Variants in KAT8 observed in about 807,000 individuals in gnomAD.
KAT8 encodes the protein histone acetyltransferase KAT8.
A neutral mutation model predicts 62.9 loss-of-function variants in KAT8; 40 were observed. That is an observed-to-expected ratio of 0.64 (90% CI 0.49 to 0.83). KAT8 has a LOEUF of 0.83. Ranked by LOEUF, KAT8 falls within the 40% of genes least tolerant of loss-of-function variation. The probability of loss-of-function intolerance (pLI) is 0.00; values close to 1 mark genes in which losing one functional copy is unlikely to be tolerated. For synonymous variants in KAT8, 278 were observed against 254.5 expected, an observed-to-expected ratio of 1.09 and a Z score of -0.88; for missense variants, 387 against 614.8, an observed-to-expected ratio of 0.63 and a Z score of 3.92.
At chr16:31,129,280 G>T (rs1187877437) in intron 6 of KAT8, among the ~76,000 whole-genome samples, 1 of 152,312 alleles carries the variant, frequency 6.6e-6, no homozygotes, top group East Asian at 1.9e-4. Context: ...CCCAGCCCTT[G>T]CCCCTGCTCT....
intron 3 of KAT8, chr16:31,120,794 T>C: frequency 2.7e-6 from 1 of 373,692 alleles, no homozygotes; most frequent in East Asian, 4.3e-5. Context: ...CTAGTAGCTG[T>C]GTCTTAGTAG....
intron 6 of KAT8, among the ~76,000 whole-genome samples, chr16:31,129,225 C>G (rs1037292166): frequency 2.0e-5 from 3 of 152,210 alleles, no homozygotes; most frequent in Admixed American, 2.0e-4. Context: ...TCGGTGACCT[C>G]TTGGGGCTTG....
chr16:31,127,142 G>A, intron 4 of KAT8, 47 bp from the exon 5 acceptor site: 1 of 1,609,570 alleles, frequency 6.2e-7, no homozygotes, highest in African/African-American at 1.3e-5. Flanking sequence ...TTGCCGAGGA[G>A]CCCCTGCTGA....
At chr16:31,122,054 T>C (rs1433908267) in intron 3 of KAT8, among the ~76,000 whole-genome samples, 1 of 152,148 alleles carries the variant, frequency 6.6e-6, no homozygotes, top group Non-Finnish European at 1.5e-5. Flanking sequence ...CCCGACCAAG[T>C]CTCAGTTTCT....
At chr16:31,123,564 T>G (rs2143975374) in intron 3 of KAT8, 1 of 152,260 alleles carries the variant, frequency 6.6e-6, no homozygotes, top group African/African-American at 2.4e-5. Context: ...GGGAGTACAG[T>G]GGCGAGCTCT....
Position 31,117,885 on chromosome 16 carries a change from C to T in KAT8, c.204C>T (p.Ser68=). The T allele has an allele frequency of 1.5e-6, 2 of 1,371,214 alleles. No homozygotes were observed. The highest frequency in any genetic ancestry group is 9.5e-7 in the Non-Finnish European group (1 of 1,052,016). 84.9% of individuals were successfully genotyped at this position (1,371,214 alleles called of 1,614,324 possible). The change falls in exon 1 of 11, where the codon AGC becomes AGT. Residue 68 remains serine, a synonymous_variant. Transcript: ENST00000219797. ...GETYLCRRPD[S]TWHSAEVIQS... ...CGTACCTGTGCCGGCGACCGGATAG[C>T]ACCTGGCGTGAGGGCGGGGCCCAGG...
chr16:31,123,343 A>C (rs1403994224), intron 3 of KAT8, among the ~76,000 whole-genome samples: 1 of 151,944 alleles, frequency 6.6e-6, no homozygotes, highest in African/African-American at 2.4e-5. Flanking sequence ...CAGCCTCCCA[A>C]GTAGCTGGGA....
chr16:31,130,031 C>T lies in KAT8; in HGVS notation c.786C>T (p.Asn262=). The T allele has an allele frequency of 6.2e-7, 1 of 1,614,208 alleles. No individual in the cohort carries two copies. Among genetic ancestry groups the T allele is most frequent in the South Asian group, 1.1e-5 (1 of 91,084 alleles). Residue 262 remains asparagine (N), a synonymous_variant, in exon 7 of 11, where the codon AAC becomes AAT. Transcript: ENST00000219797. ...DGKDHKIYCQ[N]LCLLAKLFLD... ...CTCAACCCTAGATTTACTGTCAGAA[C>T]CTGTGTCTGCTGGCCAAGCTTTTCC...
At chr16:31,118,063 G>A (rs1202960990) in intron 1 of KAT8, 171 bp downstream of exon 1, 2 of 489,182 alleles carry the variant, frequency 4.1e-6, no homozygotes, top group East Asian at 3.5e-5. Context: ...GAAACCAGCC[G>A]GGTTGTGGGA....
chr16:31,128,270 G>A (rs1199461025), intron 6 of KAT8, 131 bp downstream of exon 6: 6 of 696,518 alleles, frequency 8.6e-6, no homozygotes, highest in Admixed American at 4.5e-5. Flanking sequence ...CTGAGGGGCC[G>A]GGCACTGCAG....
At chr16:31,124,745 A>AG (rs1555503646) in intron 3 of KAT8, among the ~76,000 whole-genome samples, 9 of 141,686 alleles carry the variant, frequency 6.4e-5, no homozygotes, top group East Asian at 4.2e-4. Flanking sequence ...AAAAAAAAAA[A>AG]AAAAAAGGCT....
chr16:31,125,209 A>T (rs948324043), intron 3 of KAT8, among the ~76,000 whole-genome samples: 6 of 151,596 alleles, frequency 4.0e-5, no homozygotes, highest in Admixed American at 3.3e-4. Context: ...AAAAAAAAAA[A>T]CATGTCTGTG....
chr16:31,128,713 G>A (rs1440831721), intron 6 of KAT8, among the ~76,000 whole-genome samples: 2 of 152,224 alleles, frequency 1.3e-5, no homozygotes, highest in Non-Finnish European at 2.9e-5. Flanking sequence ...GCCTGAGGCT[G>A]CTTTTAGAAG....
intron 6 of KAT8, 65 bp downstream of exon 6, chr16:31,128,204 A>C: frequency 3.6e-5 from 45 of 1,257,962 alleles, no homozygotes; most frequent in South Asian, 6.2e-5. Flanking sequence ...GATGATCCTC[A>C]TCACCACCAA....
intron 6 of KAT8, 35 bp downstream of exon 6, chr16:31,128,174 G>A (rs761035921): frequency 1.3e-6 from 2 of 1,535,670 alleles, no homozygotes; most frequent in Admixed American, 1.7e-5. Flanking sequence ...AGAGGCCGGG[G>A]AGGCCCTGGG....
In KAT8 at chr16:31,130,140, G is replaced by T. The variant is rs1317127036; in HGVS notation, c.895G>T (p.Val299Phe). ...TEVDRQGAHI[V>F]GYFSKEKESP... ...GGTGGACCGGCAGGGGGCCCACATT[G>T]TTGGCTACTTCTCCAAGGTGCTGGG... Residue 299 changes from valine to phenylalanine, a missense_variant, in exon 7 of 11, where the codon GTT becomes TTT. Transcript: ENST00000219797. 3.2e-6 allele frequency: 5 copies of T among 1,567,454 alleles called. No homozygotes were observed. In the African/African-American group the frequency reaches 7.1e-5, roughly 22 times the overall value.
At chr16:31,125,219 G>A (rs941174893) in intron 3 of KAT8, among the ~76,000 whole-genome samples, 4 of 151,590 alleles carry the variant, frequency 2.6e-5, no homozygotes, top group African/African-American at 9.7e-5. Flanking sequence ...ACATGTCTGT[G>A]CCGTGCTTGC....
intron 3 of KAT8, among the ~76,000 whole-genome samples, chr16:31,121,704 A>G (rs2057494871): frequency 6.6e-6 from 1 of 151,726 alleles, no homozygotes; most frequent in South Asian, 2.1e-4. Context: ...GCATCCCTGT[A>G]CCTGCCTTGG....
Position 31,130,316 on chromosome 16 carries a change from C to A in KAT8, c.962C>A (p.Pro321His). Residue 321 changes from proline (P) to histidine (H), a missense_variant, in exon 8 of 11, where the codon CCC (proline) becomes CAC (histidine). Transcript: ENST00000219797. Reference sequence around the variant, plus strand: ...AATGTGGCCTGCATCCTGACCTTGCCCCCCTACCAACGCCGCGGCTACGGG... The same window carrying A: ...AATGTGGCCTGCATCCTGACCTTGCACCCCTACCAACGCCGCGGCTACGGG... The part of the protein sequence containing the change: ...GNNVACILTL[P>H]PYQRRGYGKF... 6.2e-7 allele frequency: 1 copy of A among 1,614,176 alleles called. No individual in the cohort carries two copies. Among genetic ancestry groups the A allele is most frequent in the East Asian group, 2.2e-5 (1 of 44,880 alleles).
Sources: gnomAD v4.1 joint callset for allele counts (sites outside exome capture counted in the v4.1 genomes callset) on GRCh38, gnomAD v4.1.1 for gene constraint, MANE v1.5 for transcripts, NCBI Gene and HGNC (gene_info 2026-07-23, HGNC 2026-07-21) for gene names.